CALN1: variants seen among roughly 807,000 people sequenced by gnomAD.
CALN1 encodes calcium-binding protein 8.
Under a neutral mutation model 30.6 loss-of-function variants are expected in CALN1, and 17 were observed. The ratio of observed to expected loss-of-function variants is 0.56; its 90% CI spans 0.38 to 0.83. The LOEUF (loss-of-function observed/expected upper bound fraction) is 0.83, where lower values mean the gene tolerates loss of function less well. Among genes scored for constraint, CALN1 ranks in the 40% least tolerant of loss-of-function variants. The pLI is 0.00. For synonymous variants in CALN1, 156 were observed against 131.4 expected, an observed-to-expected ratio of 1.19 and a Z score of -1.28; for missense variants, 291 against 354.9, an observed-to-expected ratio of 0.82 and a Z score of 1.45.
At chr7:72,171,928 T>G (rs1008168562) in intron 3 of CALN1, among the ~76,000 whole-genome samples, 2 of 152,238 alleles carry the variant, frequency 1.3e-5, no homozygotes, top group Admixed American at 6.5e-5. Flanking sequence ...GCAAAGAAAC[T>G]GGGGTCCAGA....
chr7:72,339,480 G>C (rs1049106788), intron 2 of CALN1, among the ~76,000 whole-genome samples: 7 of 152,102 alleles, frequency 4.6e-5, no homozygotes, highest in Admixed American at 4.6e-4. Context: ...GAAACTCCAG[G>C]TACCTAGCTA....
Position 71,870,159 on chromosome 7 carries a change from G to A in CALN1, c.502-59667C>T, listed in dbSNP as rs1041393162. 2.2e-4 allele frequency among the ~76,000 whole-genome samples: 34 copies of A among 152,292 alleles called. 1 individual carries two copies. Among genetic ancestry groups the A allele is most frequent in the Admixed American group, 7.8e-4 (12 of 15,298 alleles). Reference sequence around the variant, plus strand: ...GCACTTTGGGAGTCCGAGGTGGGCCGATCACCTGAGGTCAGGAGTTCGAGA... The same window carrying A: ...GCACTTTGGGAGTCCGAGGTGGGCCAATCACCTGAGGTCAGGAGTTCGAGA... On this transcript the variant is annotated intron_variant, in intron 5 of 6. Coordinates refer to ENST00000395275, the MANE Select transcript of CALN1 (RefSeq NM_031468.4).
At chr7:72,452,017 T>G (rs1808676900), upstream of CALN1, among the ~76,000 whole-genome samples, 1 of 152,118 alleles carries the variant, frequency 6.6e-6, no homozygotes, top group African/African-American at 2.4e-5. Flanking sequence ...TTACAATCAA[T>G]TTTTTAAAGG....
chr7:71,896,941 G>A (rs1313375443), intron 5 of CALN1, among the ~76,000 whole-genome samples: 1 of 152,174 alleles, frequency 6.6e-6, no homozygotes, highest in East Asian at 1.9e-4. Context: ...GAAACGCGCT[G>A]TGGCAGAGGT....
chr7:72,013,441 A>G (rs945900288), intron 5 of CALN1, among the ~76,000 whole-genome samples: 1 of 151,706 alleles, frequency 6.6e-6, no homozygotes, highest in African/African-American at 2.4e-5. Context: ...TGGTAGAGAC[A>G]GAGTCTCACT....
chr7:72,147,584 T>C (rs189899658), intron 3 of CALN1, among the ~76,000 whole-genome samples: 4 of 151,728 alleles, frequency 2.6e-5, no homozygotes, highest in Admixed American at 6.6e-5. Flanking sequence ...TTGACCCAGC[T>C]ATCCCATTAC....
At chr7:72,106,866 A>AGGAAGGGAGGGAGGAAGGAGGAGGAG (rs1807196898) in intron 3 of CALN1, among the ~76,000 whole-genome samples, 1 of 89,922 alleles carries the variant, frequency 1.1e-5, no homozygotes, top group Non-Finnish European at 2.7e-5. Flanking sequence ...GGAAGGAGGA[A>AGGAAGGGAGGGAGGAAGGAGGAGGAG]GGAAGGAAGG....
chr7:72,314,858 A>C (rs1429947992), intron 2 of CALN1, among the ~76,000 whole-genome samples: 5 of 151,492 alleles, frequency 3.3e-5, no homozygotes, highest in South Asian at 4.2e-4. Context: ...AAAACAAAAA[A>C]AACTATAGGC....
chr7:72,124,767 CA>C (rs1261164123), intron 3 of CALN1, among the ~76,000 whole-genome samples: 2 of 148,768 alleles, frequency 1.3e-5, no homozygotes, highest in Non-Finnish European at 3.0e-5. Flanking sequence ...AAGATAAAGA[CA>C]ACCTGAAGAA....
At chr7:72,324,094 A>T (rs1368891160) in intron 2 of CALN1, among the ~76,000 whole-genome samples, 1 of 151,684 alleles carries the variant, frequency 6.6e-6, no homozygotes, top group South Asian at 2.1e-4. Flanking sequence ...TCCCTTGGAG[A>T]AATGGTGTCC....
rs1171297085 is a variant in CALN1, at chr7:71,780,298, C to T, written c.*7477G>A. 1 of 152,174 alleles carries T rather than the reference C, an allele frequency of 6.6e-6. No individual in the cohort carries two copies. The highest frequency in any genetic ancestry group is 1.5e-5 in the Non-Finnish European group (1 of 68,036). 9.4% of individuals were successfully genotyped at this position (152,174 alleles called of 1,614,324 possible). ...CTCTCCACCAGGAGCTGACAGGATC[C>T]TTTCTTGGCCAATCTAGGTCTTTCC... On this transcript the variant is annotated 3_prime_UTR_variant, in exon 7 of 7. Coordinates refer to ENST00000395275, the MANE Select transcript of CALN1 (RefSeq NM_031468.4).
At chr7:72,186,632 T>C (rs1790208648) in intron 3 of CALN1, among the ~76,000 whole-genome samples, 1 of 152,170 alleles carries the variant, frequency 6.6e-6, no homozygotes, top group African/African-American at 2.4e-5. Flanking sequence ...GAGTACCCAA[T>C]GGTTAGCTCT....
chr7:71,905,024 T>C (rs57266099), intron 5 of CALN1, among the ~76,000 whole-genome samples: 13,541 of 152,152 alleles, frequency 0.089, 1,019 homozygotes, highest in East Asian at 0.42. Flanking sequence ...CTGCAACCTC[T>C]GCCTCCCAGG....
chr7:72,082,142 G>GAT, intron 4 of CALN1, among the ~76,000 whole-genome samples: 2 of 152,010 alleles, frequency 1.3e-5, no homozygotes, highest in South Asian at 2.1e-4. Context: ...ATGTGCCACC[G>GAT]GGCCGGCTAA....
At chr7:71,802,728 CA>C (rs1486183478) in intron 6 of CALN1, among the ~76,000 whole-genome samples, 28 of 152,140 alleles carry the variant, frequency 1.8e-4, no homozygotes, top group African/African-American at 6.8e-4. Context: ...ACAAGTAACA[CA>C]AAAGTATATC....
chr7:71,810,516 A>T (rs1198915191), intron 5 of CALN1, 24 bp from the exon 6 acceptor site: 3 of 1,609,444 alleles, frequency 1.9e-6, no homozygotes, highest in African/African-American at 2.7e-5. Flanking sequence ...GAGTAGTGAG[A>T]TGGTCAGAAG....
At chr7:72,010,265 T>C (rs999803928) in intron 5 of CALN1, among the ~76,000 whole-genome samples, 5 of 152,250 alleles carry the variant, frequency 3.3e-5, no homozygotes, top group African/African-American at 1.2e-4. Context: ...TCCCAAGGGA[T>C]GAAGGGATAA....
Position 72,310,721 on chromosome 7 carries a change from T to C in CALN1, c.120-31911A>G, listed in dbSNP as rs113820681. ...GAGTTCGAGACCAGCCTGGTCAACATGATGAAACCCTATCTCTACAAAAAA... is the reference window on the plus strand; with the variant it reads ...GAGTTCGAGACCAGCCTGGTCAACACGATGAAACCCTATCTCTACAAAAAA... On this transcript the variant is annotated intron_variant, in intron 2 of 6. Coordinates refer to ENST00000395275, the MANE Select transcript of CALN1 (RefSeq NM_031468.4). Among the ~76,000 whole-genome samples, 755 of 151,726 alleles carry C rather than the reference T, an allele frequency of 5.0e-3. 5 individuals are homozygous for C. The highest frequency in any genetic ancestry group is 0.017 in the African/African-American group (716 of 41,376).
intron 2 of CALN1, among the ~76,000 whole-genome samples, chr7:72,291,303 CTT>C (rs1798463745): frequency 6.6e-6 from 1 of 152,178 alleles, no homozygotes; most frequent in South Asian, 2.1e-4. Context: ...CACTAATCCT[CTT>C]TTTGTACTAC....
Sources: allele counts gnomAD v4.1 joint callset (sites outside exome capture counted in the v4.1 genomes callset), GRCh38; gene constraint gnomAD v4.1.1; transcripts MANE v1.5; gene names NCBI Gene and HGNC (gene_info 2026-07-23, HGNC 2026-07-21).